Variants in KRT8 observed in about 807,000 individuals in gnomAD.
The protein encoded by KRT8 is keratin 8, also known as keratin, type II cytoskeletal 8.
In KRT8, 24 loss-of-function variants were observed where a neutral mutation model predicts 43.0. The observed-to-expected ratio is 0.56, with a 90% CI of 0.40 to 0.78. KRT8 has a LOEUF of 0.78. Among genes scored for constraint, KRT8 ranks in the 30% least tolerant of loss-of-function variants. The probability of loss-of-function intolerance (pLI) is 0.00; values close to 1 mark genes in which losing one functional copy is unlikely to be tolerated. For missense variants in KRT8, 492 were observed against 638.4 expected, an observed-to-expected ratio of 0.77 and a Z score of 2.47; for synonymous variants, 214 against 261.2, an observed-to-expected ratio of 0.82 and a Z score of 1.74.
In KRT8 at chr12:52,925,541, G is replaced by A. The variant is rs558333205; in HGVS notation, c.-46-20514C>T. 1.2e-3 allele frequency among the ~76,000 whole-genome samples: 188 copies of A among 152,176 alleles called. 1 individual carries two copies. Among genetic ancestry groups the A allele is most frequent in the Non-Finnish European group, 1.4e-3 (96 of 68,034 alleles). Reference sequence around the variant, plus strand: ...TGGCCTTGCCCCATTGATACCTGAAGTGTGGCACATTCAGGAATGAGATTG... The same window carrying A: ...TGGCCTTGCCCCATTGATACCTGAAATGTGGCACATTCAGGAATGAGATTG... On this transcript the variant is annotated intron_variant, in intron 2 of 6. Transcript: ENST00000546826.
At chr12:52,900,710 A>C in intron 3 of KRT8, 27 bp from the exon 4 acceptor site, 1 of 1,558,772 alleles carries the variant, frequency 6.4e-7, no homozygotes, top group Non-Finnish European at 8.8e-7. Context: ...GGGGAGCCTG[A>C]GCTGGGTTTC....
Position 52,931,955 on chromosome 12 carries a change from G to A in KRT8, c.-47+17501C>T, listed in dbSNP as rs962255297. Among the ~76,000 whole-genome samples, 7 of 152,048 alleles carry A rather than the reference G, an allele frequency of 4.6e-5. No individual in the cohort carries two copies. In the East Asian group the frequency reaches 7.8e-4, roughly 17 times the overall value. ...TGGGATTACAGGCATGCGCCACTGCGCTTGGCCATATGTTTATGTTTTGTA... is the reference window on the plus strand; with the variant it reads ...TGGGATTACAGGCATGCGCCACTGCACTTGGCCATATGTTTATGTTTTGTA... On this transcript the variant is annotated intron_variant, in intron 2 of 6. Transcript: ENST00000546826.
chr12:52,900,415 A>T (rs568591269), intron 4 of KRT8, among the ~76,000 whole-genome samples, 173 bp downstream of exon 4: 119 of 152,288 alleles, frequency 7.8e-4, no homozygotes, highest in African/African-American at 2.7e-3. Context: ...GAGGGACAGA[A>T]CATATAGACC....
At chr12:52,915,208 C>T (rs1240818638) in intron 2 of KRT8, among the ~76,000 whole-genome samples, 3 of 151,972 alleles carry the variant, frequency 2.0e-5, no homozygotes, top group African/African-American at 4.8e-5. Context: ...CCCGTCTCTA[C>T]TAAAGATACA....
chr12:52,940,432 CAAAA>C (rs959352157), intron 2 of KRT8, among the ~76,000 whole-genome samples: 1 of 50,782 alleles, frequency 2.0e-5, no homozygotes, highest in African/African-American at 6.2e-5. Context: ...GACTCAGTCT[CAAAA>C]AAAAAAAAAA....
At chr12:52,913,706 G>A (rs2120622944) in intron 2 of KRT8, among the ~76,000 whole-genome samples, 1 of 152,184 alleles carries the variant, frequency 6.6e-6, no homozygotes, top group East Asian at 1.9e-4. Context: ...CACACGCCAA[G>A]GTGCAGTACC....
At chr12:52,910,334 G>A (rs1040605555), upstream of KRT8, among the ~76,000 whole-genome samples, 64 of 152,188 alleles carry the variant, frequency 4.2e-4, no homozygotes, top group Admixed American at 1.4e-3. Flanking sequence ...TTTAGCTCTG[G>A]TCCCAACACC....
chr12:52,938,170 A>ATATATATATATGTATATATATATT (rs1555189967), intron 2 of KRT8, among the ~76,000 whole-genome samples: 1 of 30,322 alleles, frequency 3.3e-5, no homozygotes, highest in Non-Finnish European at 5.9e-5. Flanking sequence ...ATATATATAT[A>ATATATATATATGTATATATATATT]TTTTTTTTTT....
chr12:52,949,797 G>A (rs1325570555), exon 1 of KRT8: 1 of 710,436 alleles, frequency 1.4e-6, no homozygotes, highest in Non-Finnish European at 2.6e-6. Flanking sequence ...AGGAGAGAGG[G>A]GGAAGGGGAC....
At chr12:52,933,421 A>G (rs1942116430) in intron 2 of KRT8, among the ~76,000 whole-genome samples, 2 of 152,210 alleles carry the variant, frequency 1.3e-5, no homozygotes, top group Admixed American at 1.3e-4. Flanking sequence ...TTAAAGATGT[A>G]TATGAATGGA....
chr12:52,914,823 A>C (rs1328011110), intron 2 of KRT8, among the ~76,000 whole-genome samples: 1 of 152,128 alleles, frequency 6.6e-6, no homozygotes, highest in African/African-American at 2.4e-5. Flanking sequence ...ATTTTCCTCC[A>C]TGTTAGCTTC....
intron 2 of KRT8, among the ~76,000 whole-genome samples, chr12:52,943,556 C>G (rs1942299303): frequency 6.6e-6 from 1 of 152,220 alleles, no homozygotes; most frequent in Non-Finnish European, 1.5e-5. Flanking sequence ...TCCCTTAGGC[C>G]ACCTCACCCA....
upstream of KRT8, among the ~76,000 whole-genome samples, chr12:52,910,938 T>C (rs1436244120): frequency 6.6e-6 from 1 of 152,176 alleles, no homozygotes; most frequent in Non-Finnish European, 1.5e-5. Context: ...TCCACATATT[T>C]GCTTATCAGG....
intron 2 of KRT8, among the ~76,000 whole-genome samples, chr12:52,915,281 G>A (rs924982959): frequency 2.0e-5 from 3 of 151,806 alleles, no homozygotes; most frequent in Admixed American, 6.6e-5. Flanking sequence ...GCTGAGGCAG[G>A]AGAATGGCGT....
Position 52,924,338 on chromosome 12 carries a change from A to G in KRT8, c.-46-19311T>C, listed in dbSNP as rs533584083. 2.1e-3 allele frequency among the ~76,000 whole-genome samples: 313 copies of G among 151,966 alleles called. 1 individual carries two copies. The highest frequency in any genetic ancestry group is 3.4e-3 in the Non-Finnish European group (230 of 67,976). Reference sequence around the variant, plus strand: ...GTGGCGGGCGTCTGTAGTCCCAGCTACTAGGGAGGCTGAGGCAGGAGAATG... The same window carrying G: ...GTGGCGGGCGTCTGTAGTCCCAGCTGCTAGGGAGGCTGAGGCAGGAGAATG... On this transcript the variant is annotated intron_variant, in intron 2 of 6. Coordinates refer to the KRT8 transcript ENST00000546826.
intron 4 of KRT8, 91 bp from the exon 5 acceptor site, chr12:52,900,156 G>C (rs1941330934): frequency 7.5e-7 from 1 of 1,333,904 alleles, no homozygotes; most frequent in Non-Finnish European, 1.0e-6. Flanking sequence ...TATAAGACAG[G>C]GGCAGCAGAG....
rs17747375 is a variant in KRT8, at chr12:52,916,872, G to A, written c.-46-11845C>T. Among the ~76,000 whole-genome samples the A allele has an allele frequency of 5.4e-3, 826 of 152,324 alleles. 3 individuals are homozygous for A. The highest frequency in any genetic ancestry group is 0.014 in the Middle Eastern group (4 of 292). On this transcript the variant is annotated intron_variant, in intron 2 of 6. Transcript: ENST00000546826. ...AAGGAGGTGCCTGGGATAGAGAGGA[G>A]AATGGGCACCATATTCCAGTGAGAC...
At chr12:52,898,789 C>T in exon 6 of KRT8, 1 of 1,614,246 alleles carries the variant, frequency 6.2e-7, no homozygotes. Context: ...CCATGTCCTG[C>T]TTGGCCCGCT....
intron 2 of KRT8, among the ~76,000 whole-genome samples, chr12:52,915,389 G>A (rs1433484636): frequency 4.1e-5 from 6 of 147,514 alleles, no homozygotes; most frequent in Non-Finnish European, 4.5e-5. Flanking sequence ...AAAAAAAAAT[G>A]TGATTCACCA....
Sources: allele counts gnomAD v4.1 joint callset (sites outside exome capture counted in the v4.1 genomes callset), GRCh38; gene constraint gnomAD v4.1.1; transcripts MANE v1.5; gene names NCBI Gene and HGNC (gene_info 2026-07-23, HGNC 2026-07-21).